PFKP: variants seen among roughly 807,000 people sequenced by gnomAD.
PFKP encodes ATP-dependent 6-phosphofructokinase, platelet type.
A neutral mutation model predicts 94.3 loss-of-function variants in PFKP; 101 were observed. The ratio of observed to expected loss-of-function variants is 1.07; its 90% CI spans 0.91 to 1.26. PFKP has a LOEUF of 1.26. PFKP is among the 50% of genes most tolerant of loss of function. The pLI, the probability that PFKP is intolerant of heterozygous loss-of-function variation, is 0.00. For missense variants in PFKP, 1,145 were observed against 1,103.3 expected, an observed-to-expected ratio of 1.04 and a Z score of -0.53; for synonymous variants, 573 against 432.6, an observed-to-expected ratio of 1.32 and a Z score of -4.03.
chr10:3,107,908 C>T (rs1228825545), intron 8 of PFKP: 1 of 1,289,584 alleles, frequency 7.8e-7, no homozygotes, highest in Non-Finnish European at 1.0e-6. Context: ...CTGCAGGCTG[C>T]CGGGGCTGGG....
intron 7 of PFKP, among the ~76,000 whole-genome samples, chr10:3,106,496 G>A (rs1254210301): frequency 2.6e-5 from 4 of 151,242 alleles, no homozygotes; most frequent in Non-Finnish European, 5.9e-5. Context: ...TCCACCTGGG[G>A]CTGACTGGGG....
At chr10:3,067,842 T>G in intron 1 of PFKP, 135 bp downstream of exon 1, 6 of 420,504 alleles carry the variant, frequency 1.4e-5, no homozygotes, top group Non-Finnish European at 2.1e-5. Context: ...GGCGAAGCGA[T>G]GGGGAGAACC....
intron 6 of PFKP, 64 bp from the exon 7 acceptor site, chr10:3,105,329 G>A (rs1835428951): frequency 1.4e-6 from 2 of 1,430,422 alleles, no homozygotes; most frequent in East Asian, 4.5e-5. Flanking sequence ...TGAGCGGGGT[G>A]CCTGGGCTGC....
chr10:3,103,736 C>T (rs1835249244), intron 4 of PFKP, 43 bp from the exon 5 acceptor site: 1 of 1,608,800 alleles, frequency 6.2e-7, no homozygotes, highest in African/African-American at 1.3e-5. Context: ...CCCGAACGCG[C>T]CATGGTTACG....
intron 11 of PFKP, 44 bp downstream of exon 11, chr10:3,112,330 C>A (rs371219059): frequency 5.6e-6 from 8 of 1,432,878 alleles, no homozygotes; most frequent in Non-Finnish European, 5.9e-6. Flanking sequence ...GGAACACACA[C>A]CCCTCAGGCC....
At chr10:3,099,006 G>A (rs555442877) in intron 2 of PFKP, among the ~76,000 whole-genome samples, 136 of 152,278 alleles carry the variant, frequency 8.9e-4, no homozygotes, top group African/African-American at 3.0e-3. Context: ...AACCTCTCGG[G>A]AAACGCTGGG....
intron 11 of PFKP, 101 bp from the exon 12 acceptor site, chr10:3,113,018 G>T: frequency 9.8e-7 from 1 of 1,022,990 alleles, no homozygotes. Context: ...TAGTCGGGCA[G>T]ACACATTGAG....
At position 3,129,979 on chromosome 10, in the gene PFKP, T is replaced by C; in HGVS notation, c.1844T>C (p.Leu615Pro). ...IFEEPFDIRD[L>P]QSNVEHLTEK... ...GAAGAGCCCTTCGACATCAGGGATC[T>C]GCAGGTATGTGACGGGGCTGGCCTC... The change falls in exon 17 of 22, where the codon CTG becomes CCG. Residue 615 changes from leucine (L) to proline (P), a missense_variant. Leu to Pro is a moderately conservative substitution (Grantham distance 98). Transcript: ENST00000381125. 1.9e-6 allele frequency: 3 copies of C among 1,574,028 alleles called. No homozygotes were observed. Among genetic ancestry groups the C allele is most frequent in the Non-Finnish European group, 2.6e-6 (3 of 1,157,244 alleles).
chr10:3,078,221 G>C (rs1190707524), intron 1 of PFKP, among the ~76,000 whole-genome samples: 1 of 152,224 alleles, frequency 6.6e-6, no homozygotes, highest in Non-Finnish European at 1.5e-5. Flanking sequence ...AAAAGCCCAC[G>C]TTGCGGGCTG....
At position 3,133,183 on chromosome 10, in the gene PFKP, C is replaced by G; in HGVS notation, c.1911-20C>G. 1 of 1,584,002 alleles carries G rather than the reference C, an allele frequency of 6.3e-7. No homozygotes were observed. The highest frequency in any genetic ancestry group is 8.7e-7 in the Non-Finnish European group (1 of 1,152,764). The stretch of plus-strand genomic sequence containing the variant: ...GCCCACTGCACGCTAAACAAAGTGA[C>G]TCCTTCTCGCTCGTTTCAGAAATGA... On this transcript the variant is annotated intron_variant, in intron 18 of 21. Coordinates refer to ENST00000381125, the MANE Select transcript of PFKP (RefSeq NM_002627.5).
chr10:3,105,964 G>A (rs775987046), intron 7 of PFKP, among the ~76,000 whole-genome samples: 3 of 152,232 alleles, frequency 2.0e-5, no homozygotes, highest in Non-Finnish European at 4.4e-5. Context: ...TAGGAAGGAC[G>A]ACGGGGACAG....
chr10:3,113,547 C>T (rs752242331), intron 13 of PFKP, 29 bp downstream of exon 13: 23 of 1,604,682 alleles, frequency 1.4e-5, no homozygotes, highest in Non-Finnish European at 1.9e-5. Flanking sequence ...CGTAGGCAGG[C>T]AGACACCCTG....
At chr10:3,072,462 T>C (rs10903953) in intron 1 of PFKP, among the ~76,000 whole-genome samples, 99,854 of 152,028 alleles carry the variant, frequency 0.66, 33,317 homozygotes, top group Non-Finnish European at 0.73. Flanking sequence ...GTACATACAT[T>C]ATTTGATGGG....
chr10:3,133,227 C>T lies in PFKP; in HGVS notation c.1935C>T (p.Tyr645=), dbSNP rs146726011. The T allele has an allele frequency of 2.1e-3, 3,451 of 1,613,854 alleles. 5 individuals are homozygous for T. The highest frequency in any genetic ancestry group is 2.8e-3 in the Non-Finnish European group (3,247 of 1,179,748). The change falls in exon 19 of 22, where the codon TAC becomes TAT. Residue 645 remains tyrosine, a synonymous_variant. Coordinates refer to ENST00000381125, the MANE Select transcript of PFKP (RefSeq NM_002627.5). ...VLRNESCSEN[Y]TTDFIYQLYS... is the part of the protein sequence containing the mutation. ...GAAATGAGAGCTGCAGTGAAAACTA[C>T]ACCACCGACTTCATTTACCAGCTGT...
intron 17 of PFKP, 81 bp downstream of exon 17, chr10:3,130,064 G>C: frequency 7.4e-7 from 1 of 1,351,362 alleles, no homozygotes. Context: ...GTCTAGGGTG[G>C]TTTGCTTTCC....
chr10:3,126,959 C>G (rs1220232728), intron 16 of PFKP, among the ~76,000 whole-genome samples: 1 of 152,240 alleles, frequency 6.6e-6, no homozygotes, highest in African/African-American at 2.4e-5. Context: ...CTGCTGTCCA[C>G]GTGCCAGCCC....
chr10:3,123,518 G>A (rs9423470), intron 16 of PFKP, among the ~76,000 whole-genome samples: 101,807 of 151,442 alleles, frequency 0.67, 34,525 homozygotes, highest in South Asian at 0.75. Context: ...TTAAGCTGCC[G>A]AGACCCCCAC....
chr10:3,073,387 C>T (rs1338953906), intron 1 of PFKP, among the ~76,000 whole-genome samples: 1 of 151,884 alleles, frequency 6.6e-6, no homozygotes, highest in Non-Finnish European at 1.5e-5. Context: ...CCCCAGGGCC[C>T]GTGTGCTATT....
chr10:3,080,577 G>A (rs1021925095), intron 1 of PFKP, among the ~76,000 whole-genome samples: 1 of 150,712 alleles, frequency 6.6e-6, no homozygotes, highest in African/African-American at 2.4e-5. Flanking sequence ...CATCTCGGAC[G>A]TAGTGTCAAA....
Sources: allele counts gnomAD v4.1 joint callset (sites outside exome capture counted in the v4.1 genomes callset), GRCh38; gene constraint gnomAD v4.1.1; transcripts MANE v1.5; gene names NCBI Gene and HGNC (gene_info 2026-07-23, HGNC 2026-07-21).